TCF7L1: variants seen among roughly 807,000 people sequenced by gnomAD.
TCF7L1 encodes transcription factor 7 like 1.
A neutral mutation model predicts 63.7 loss-of-function variants in TCF7L1; 18 were observed. The ratio of observed to expected loss-of-function variants is 0.28; its 90% CI spans 0.20 to 0.42. The LOEUF (loss-of-function observed/expected upper bound fraction) is 0.42. Ranked by LOEUF, TCF7L1 falls within the 10% of genes least tolerant of loss-of-function variation. The pLI is 1.00. For missense variants in TCF7L1, 654 were observed against 779.3 expected (o/e 0.84, Z 1.91); for synonymous variants, 355 against 340.9 (o/e 1.04, Z -0.46).
chr2:85,302,501 C>T lies in TCF7L1; in HGVS notation c.543C>T (p.Val181=), dbSNP rs370442683. 5.0e-6 allele frequency: 8 copies of T among 1,614,010 alleles called. No homozygotes were observed. Among genetic ancestry groups the T allele is most frequent in the Admixed American group, 3.3e-5 (2 of 59,996 alleles). The change falls in exon 5 of 12, where the codon GTC becomes GTT. Residue 181 remains valine (V), a synonymous_variant. Coordinates refer to ENST00000282111, the MANE Select transcript of TCF7L1 (RefSeq NM_031283.3). ...SPAHLSNKVP[V]VQHPHHMHPL... is the part of the protein sequence containing the mutation. ...TCTTTCAGTCTAATAAAGTTCCTGT[C>T]GTTCAGCACCCGCATCACATGCATC... is the stretch of plus-strand genomic sequence containing the variant.
intron 3 of TCF7L1, among the ~76,000 whole-genome samples, chr2:85,141,028 G>C (rs1461348623): frequency 1.3e-5 from 2 of 152,082 alleles, no homozygotes; most frequent in Admixed American, 1.3e-4. Flanking sequence ...GCTTGTGCCT[G>C]TAATCCCAGC....
At chr2:85,280,408 T>G (rs1319647643) in intron 3 of TCF7L1, among the ~76,000 whole-genome samples, 2 of 152,104 alleles carry the variant, frequency 1.3e-5, no homozygotes, top group Non-Finnish European at 1.5e-5. Context: ...ATAAGGTCAC[T>G]TGAGAGGATT....
At chr2:85,192,473 C>T (rs1029581496) in intron 3 of TCF7L1, among the ~76,000 whole-genome samples, 6 of 151,980 alleles carry the variant, frequency 3.9e-5, no homozygotes, top group East Asian at 1.9e-4. Context: ...CTGCAACCTC[C>T]GCCTCCCGGA....
At position 85,309,712 on chromosome 2, in the gene TCF7L1, C is replaced by T. The variant is rs1290306938; in HGVS notation, c.*250C>T. On this transcript the variant is annotated 3_prime_UTR_variant, in exon 12 of 12. Coordinates refer to ENST00000282111, the MANE Select transcript of TCF7L1 (RefSeq NM_031283.3). ...GAGAACTGAAAAGTAGCGTGCTATT[C>T]GTCCTGTAGGTGCTGTGGTGGATGG... The T allele has an allele frequency of 2.4e-6, 1 of 422,642 alleles. No individual in the cohort carries two copies. Among genetic ancestry groups the T allele is most frequent in the Non-Finnish European group, 4.2e-6 (1 of 240,494 alleles). The allele number at this position is 422,642 out of a possible 1,614,324, so 26.2% of individuals were successfully genotyped here.
chr2:85,160,787 GGT>G (rs1678265385), intron 3 of TCF7L1, among the ~76,000 whole-genome samples: 2 of 152,154 alleles, frequency 1.3e-5, no homozygotes, highest in African/African-American at 4.8e-5. Flanking sequence ...GGGAAGCAGA[GGT>G]TGCAGTGAGC....
At chr2:85,148,274 G>A (rs1677927852) in intron 3 of TCF7L1, among the ~76,000 whole-genome samples, 1 of 152,100 alleles carries the variant, frequency 6.6e-6, no homozygotes, top group African/African-American at 2.4e-5. Context: ...CAGTTCCTTG[G>A]ACCTTGCATG....
At position 85,307,820 on chromosome 2, in the gene TCF7L1, G is replaced by A. The variant is rs77316677; in HGVS notation, c.1333+103G>A. 889 of 1,050,670 alleles carry A rather than the reference G, an allele frequency of 8.5e-4. 11 individuals carry two copies. In the African/African-American group the frequency reaches 0.012, roughly 14 times the overall value. 65.1% of individuals were successfully genotyped at this position (1,050,670 alleles called of 1,614,324 possible). A position where few individuals can be genotyped will look rare whatever the true frequency, so the allele number is the denominator to read the frequency against. ...CCTGATGGGTCAGGGCTTCTGCCTCGGTATTCGCGGGCGGGTATTATTACC... is the reference window on the plus strand; with the variant it reads ...CCTGATGGGTCAGGGCTTCTGCCTCAGTATTCGCGGGCGGGTATTATTACC... On this transcript the variant is annotated intron_variant, in intron 11 of 11. Coordinates refer to ENST00000282111, the MANE Select transcript of TCF7L1 (RefSeq NM_031283.3).
At chr2:85,177,465 G>A (rs1246228465) in intron 3 of TCF7L1, among the ~76,000 whole-genome samples, 1 of 152,232 alleles carries the variant, frequency 6.6e-6, no homozygotes, top group African/African-American at 2.4e-5. Flanking sequence ...AGCACTTTGG[G>A]AGGTCGAGGA....
chr2:85,292,586 T>C (rs1681752855), intron 4 of TCF7L1, among the ~76,000 whole-genome samples: 1 of 152,194 alleles, frequency 6.6e-6, no homozygotes, highest in East Asian at 1.9e-4. Context: ...TTCTCTCTTT[T>C]TGTTTTTTAA....
chr2:85,209,407 T>TTCAGTGGC (rs1679492412), intron 3 of TCF7L1, among the ~76,000 whole-genome samples: 1 of 152,216 alleles, frequency 6.6e-6, no homozygotes, highest in Non-Finnish European at 1.5e-5. Flanking sequence ...AACTAGGTGT[T>TTCAGTGGC]TCAGTGGCAG....
chr2:85,252,426 A>G (rs932348718), intron 3 of TCF7L1, among the ~76,000 whole-genome samples: 1 of 152,202 alleles, frequency 6.6e-6, no homozygotes, highest in Non-Finnish European at 1.5e-5. Context: ...ACAATTCCAC[A>G]TGAGCATTTG....
At chr2:85,246,002 G>A (rs1453941231) in intron 3 of TCF7L1, among the ~76,000 whole-genome samples, 4 of 152,154 alleles carry the variant, frequency 2.6e-5, no homozygotes, top group Admixed American at 1.3e-4. Context: ...GTGAATGGCA[G>A]TCAGGTGTCC....
chr2:85,167,139 T>A (rs17025984), intron 3 of TCF7L1: 1 of 152,224 alleles, frequency 6.6e-6, no homozygotes, highest in African/African-American at 2.4e-5. Flanking sequence ...AGTTTTCAGC[T>A]AAGTACTTAC....
At chr2:85,299,481 G>C (rs1430788028) in intron 4 of TCF7L1, among the ~76,000 whole-genome samples, 1 of 147,036 alleles carries the variant, frequency 6.8e-6, no homozygotes, top group African/African-American at 2.5e-5. Context: ...GAACCCAGGA[G>C]GCAGAGGTTG....
chr2:85,301,489 G>T (rs1681972147), intron 4 of TCF7L1, among the ~76,000 whole-genome samples: 1 of 152,218 alleles, frequency 6.6e-6, no homozygotes, highest in South Asian at 2.1e-4. Context: ...CAATTAAAAA[G>T]TTAATTCTGT....
intron 3 of TCF7L1, among the ~76,000 whole-genome samples, chr2:85,251,317 T>A (rs879397375): frequency 2.6e-5 from 4 of 152,182 alleles, no homozygotes; most frequent in Admixed American, 2.0e-4. Context: ...CCGGATATTA[T>A]TATGTCTAAA....
chr2:85,205,234 G>A (rs1679374422), intron 3 of TCF7L1, among the ~76,000 whole-genome samples: 1 of 152,102 alleles, frequency 6.6e-6, no homozygotes, highest in Non-Finnish European at 1.5e-5. Flanking sequence ...TTTGGAACTT[G>A]AAAAAGAATA....
intron 3 of TCF7L1, among the ~76,000 whole-genome samples, chr2:85,195,061 C>T (rs942709303): frequency 6.6e-6 from 1 of 152,234 alleles, no homozygotes; most frequent in South Asian, 2.1e-4. Context: ...TGCCCTATGG[C>T]GTAGTGGCTG....
intron 11 of TCF7L1, 102 bp downstream of exon 11, chr2:85,307,819 C>G: frequency 9.4e-7 from 1 of 1,062,140 alleles, no homozygotes; most frequent in South Asian, 1.3e-5. Flanking sequence ...GCTTCTGCCT[C>G]GGTATTCGCG....
Sources: gnomAD v4.1 joint callset for allele counts (sites outside exome capture counted in the v4.1 genomes callset) on GRCh38, gnomAD v4.1.1 for gene constraint, MANE v1.5 for transcripts, NCBI Gene and HGNC (gene_info 2026-07-23, HGNC 2026-07-21) for gene names.